SLC4A11: variants seen among roughly 807,000 people sequenced by gnomAD.
SLC4A11 encodes the protein solute carrier family 4 member 11.
Under a neutral mutation model 95.0 loss-of-function variants are expected in SLC4A11, and 74 were observed. That is an observed-to-expected ratio of 0.78 (90% confidence interval 0.65 to 0.95). The LOEUF (loss-of-function observed/expected upper bound fraction) is 0.95. Among genes scored for constraint, SLC4A11 ranks in the 40% least tolerant of loss-of-function variants. The pLI, the probability that SLC4A11 is intolerant of heterozygous loss-of-function variation, is 0.00. For synonymous variants in SLC4A11, 548 were observed against 519.0 expected, an observed-to-expected ratio of 1.06 and a Z score of -0.76; for missense variants, 1,081 against 1,192.4, an observed-to-expected ratio of 0.91 and a Z score of 1.38.
Position 3,238,438 on chromosome 20 carries a change from G to A in SLC4A11, c.43+657C>T. ...CTGCATCCTGAAGTGGGGGGCGGGGGCGCTGGGGCGCGTCCCAGGCCGTGG... is the reference window on the plus strand; with the variant it reads ...CTGCATCCTGAAGTGGGGGGCGGGGACGCTGGGGCGCGTCCCAGGCCGTGG... On this transcript the variant is annotated intron_variant, in intron 1 of 19. Coordinates refer to ENST00000642402, the MANE Select transcript of SLC4A11 (RefSeq NM_001174089.2). 4 of 1,034,094 alleles carry A rather than the reference G, an allele frequency of 3.9e-6. No homozygotes were observed. In the South Asian group the frequency reaches 1.3e-4, roughly 33 times the overall value. The allele number at this position is 1,034,094 out of a possible 1,614,324, so 64.1% of individuals were successfully genotyped here.
chr20:3,228,741 C>A (rs372261284), intron 17 of SLC4A11, 34 bp from the exon 18 acceptor site: 1 of 1,612,516 alleles, frequency 6.2e-7, no homozygotes, highest in Non-Finnish European at 8.5e-7. Flanking sequence ...GTCACCTCTG[C>A]GCCCCTGTCC....
Position 3,234,992 on chromosome 20 carries a change from C to G in SLC4A11, c.89-98G>C. 1 of 1,494,160 alleles carries G rather than the reference C, an allele frequency of 6.7e-7. No homozygotes were observed. The highest frequency in any genetic ancestry group is 1.1e-5 in the South Asian group (1 of 87,866). The allele number at this position is 1,494,160 out of a possible 1,614,324, so 92.6% of individuals were successfully genotyped here. A position where few individuals can be genotyped will look rare whatever the true frequency, so the allele number is the denominator to read the frequency against. On this transcript the variant is annotated intron_variant, in intron 2 of 19. Transcript: ENST00000642402. This position sits in a 1 kb window ranked among gnomAD's most constrained non-coding sequence, Gnocchi z 5.8. The stretch of plus-strand genomic sequence containing the variant: ...GGGAGCAGGGACCCCTGGACTGTCC[C>G]ACTCTCGGGCCGTGGTGGGAGAGGC...
At chr20:3,239,263 C>T (rs981037283), upstream of SLC4A11, 11 of 1,217,738 alleles carry the variant, frequency 9.0e-6, no homozygotes, top group African/African-American at 1.7e-4. Context: ...GCGCCTGGGT[C>T]CTAATGCCGC....
chr20:3,232,707 T>C (rs1415180222), intron 7 of SLC4A11, among the ~76,000 whole-genome samples: 1 of 152,202 alleles, frequency 6.6e-6, no homozygotes, highest in East Asian at 1.9e-4. Context: ...AGTGAGACTC[T>C]GTCTCAAAGA....
rs2067723756 is a variant in SLC4A11, at chr20:3,230,577, A to G, written c.1353T>C (p.Asn451=). 6.2e-7 allele frequency: 1 copy of G among 1,613,680 alleles called. No individual in the cohort carries two copies. Among genetic ancestry groups the G allele is most frequent in the African/African-American group, 1.3e-5 (1 of 74,902 alleles). ...AGGCATAAAGCGCAAGGAAGAAACT[A>G]TTCCACAGGCCCGTCCATGCGTAGA... is the stretch of plus-strand genomic sequence containing the variant. ...NSFYAWTGLW[N]SFFLALYAFF... Residue 451 remains asparagine (N), a synonymous_variant, in exon 12 of 20, where the codon AAT becomes AAC. Transcript: ENST00000642402.
rs1275247761 is a variant in SLC4A11, at chr20:3,230,936, T to C, written c.1165A>G (p.Ile389Val). ...CCGCCCACCGCCAGCCCCTCACCGATGGCCCCGTCTGTGTTCTCGTCATTG... is the reference window on the plus strand; with the variant it reads ...CCGCCCACCGCCAGCCCCTCACCGACGGCCCCGTCTGTGTTCTCGTCATTG... Reference protein sequence around the residue: ...SLNDENTDGAIDVQKTIAGQS... With the variant: ...SLNDENTDGAVDVQKTIAGQS... Residue 389 changes from isoleucine to valine, a missense_variant, in exon 10 of 20, where the codon ATC becomes GTC. Ile to Val is a conservative substitution (Grantham distance 29). Coordinates refer to ENST00000642402, the MANE Select transcript of SLC4A11 (RefSeq NM_001174089.2). 3.1e-6 allele frequency: 5 copies of C among 1,601,260 alleles called. No homozygotes were observed. The highest frequency in any genetic ancestry group is 4.3e-6 in the Non-Finnish European group (5 of 1,172,308).
intron 7 of SLC4A11, among the ~76,000 whole-genome samples, chr20:3,233,206 C>T (rs11087573): frequency 0.16 from 24,037 of 152,100 alleles, 2,040 homozygotes; most frequent in Non-Finnish European, 0.19. Context: ...GCTAGCAAAT[C>T]GCAAAGTCAA....
chr20:3,239,315 G>A, upstream of SLC4A11: 1 of 1,164,082 alleles, frequency 8.6e-7, no homozygotes, highest in East Asian at 4.0e-5. Flanking sequence ...GCTGCCGAGG[G>A]CTGGGACCCG....
intron 1 of SLC4A11, 157 bp from the exon 2 acceptor site, chr20:3,237,745 C>T: frequency 6.2e-7 from 1 of 1,613,522 alleles, no homozygotes; most frequent in Non-Finnish European, 8.5e-7. Flanking sequence ...GGGGACAGTG[C>T]TCGGGAGGGG....
chr20:3,234,990 C>A lies in SLC4A11; in HGVS notation c.89-96G>T, dbSNP rs867089201. Reference sequence around the variant, plus strand: ...CAGGGAGCAGGGACCCCTGGACTGTCCCACTCTCGGGCCGTGGTGGGAGAG... The same window carrying A: ...CAGGGAGCAGGGACCCCTGGACTGTACCACTCTCGGGCCGTGGTGGGAGAG... On this transcript the variant is annotated intron_variant, in intron 2 of 19. Coordinates refer to ENST00000642402, the MANE Select transcript of SLC4A11 (RefSeq NM_001174089.2). This position sits in a 1 kb window ranked among gnomAD's most constrained non-coding sequence, Gnocchi z 5.8. 5.3e-6 allele frequency: 8 copies of A among 1,509,426 alleles called. No individual in the cohort carries two copies. The East Asian group carries it at 1.6e-4, about 30-fold the overall frequency. The allele number at this position is 1,509,426 out of a possible 1,614,324, so 93.5% of individuals were successfully genotyped here. A position where few individuals can be genotyped will look rare whatever the true frequency, so the allele number is the denominator to read the frequency against.
rs757200358 is a variant in SLC4A11, at chr20:3,234,117, G to A, written c.489C>T (p.Leu163=). 1.2e-6 allele frequency: 2 copies of A among 1,613,966 alleles called. No homozygotes were observed. Among genetic ancestry groups the A allele is most frequent in the African/African-American group, 2.7e-5 (2 of 74,944 alleles). ...GCATGGGTGCCCCGGCATCGGTGAAGAGCATGGCCATGAGCAGGTCCAGGT... is the reference window on the plus strand; with the variant it reads ...GCATGGGTGCCCCGGCATCGGTGAAAAGCATGGCCATGAGCAGGTCCAGGT... ...NCNLDLLMAM[L]FTDAGAPMRG... is the part of the protein sequence containing the mutation. Residue 163 remains leucine (L), a synonymous_variant, in exon 5 of 20, where the codon CTC becomes CTT. Coordinates refer to ENST00000642402, the MANE Select transcript of SLC4A11 (RefSeq NM_001174089.2). The surrounding 1 kb of genome is among the most constrained non-coding windows in gnomAD (Gnocchi z 5.8).
In SLC4A11 at chr20:3,231,201, G is replaced by T. The variant is rs1395546091; in HGVS notation, c.990C>A (p.Ile330=). The change falls in exon 9 of 20, where the codon ATC becomes ATA. Residue 330 remains isoleucine (I), a synonymous_variant. Transcript: ENST00000642402. The surrounding 1 kb of genome is among the most constrained non-coding windows in gnomAD (Gnocchi z 5.2). ...CKDFVPFGKG[I]REDIARRFPL... ...GGAACCTGCGTGCGATGTCCTCCCG[G>T]ATGCCCTTCCCAAAAGGGACAAAGT... 6.2e-7 allele frequency: 1 copy of T among 1,614,086 alleles called. No homozygotes were observed. The highest frequency in any genetic ancestry group is 8.5e-7 in the Non-Finnish European group (1 of 1,180,010).
chr20:3,227,763 T>C lies in SLC4A11; in HGVS notation c.*24A>G, dbSNP rs1253827269. The C allele has an allele frequency of 6.2e-7, 1 of 1,611,906 alleles. No homozygotes were observed. Among genetic ancestry groups the C allele is most frequent in the East Asian group, 2.2e-5 (1 of 44,868 alleles). ...TGGGAGGACGTGGAGGGCTGGCGAATGGGGCGTGGGCAGGGTCTGCCAGTC... is the reference window on the plus strand; with the variant it reads ...TGGGAGGACGTGGAGGGCTGGCGAACGGGGCGTGGGCAGGGTCTGCCAGTC... On this transcript the variant is annotated 3_prime_UTR_variant, in exon 20 of 20. Coordinates refer to ENST00000642402, the MANE Select transcript of SLC4A11 (RefSeq NM_001174089.2).
rs117959552 is a variant in SLC4A11, at chr20:3,228,505, C to T, written c.2388+7G>A. ...CACGCCACTCCCTCGCAGGGCCAAGCGCTCACCTGCTCCTTGAGCAGCAGG... is the reference window on the plus strand; with the variant it reads ...CACGCCACTCCCTCGCAGGGCCAAGTGCTCACCTGCTCCTTGAGCAGCAGG... On this transcript the variant is annotated splice_region_variant and intron_variant, in intron 18 of 19. Transcript: ENST00000642402. The T allele has an allele frequency of 1.0e-4, 167 of 1,612,960 alleles. No homozygotes were observed. The highest frequency in any genetic ancestry group is 9.6e-4 in the East Asian group (43 of 44,874).
chr20:3,239,526 G>T (rs978826878), upstream of SLC4A11: 13 of 991,762 alleles, frequency 1.3e-5, no homozygotes, highest in South Asian at 3.3e-4. Context: ...ACTGCGCCAC[G>T]AGCCCACCGA....
At chr20:3,229,856 G>C in intron 13 of SLC4A11, 80 bp from the exon 14 acceptor site, 1 of 1,594,298 alleles carries the variant, frequency 6.3e-7, no homozygotes, top group Non-Finnish European at 8.6e-7. Context: ...ATCTCAGGGA[G>C]AAAGGGCTCC....
chr20:3,238,446 GC>G (rs2068059315), intron 1 of SLC4A11: 1 of 1,029,532 alleles, frequency 9.7e-7, no homozygotes, highest in Non-Finnish European at 1.2e-6. Context: ...GGGCGCTGGG[GC>G]GCGTCCCAGG....
At position 3,229,230 on chromosome 20, in the gene SLC4A11, G is replaced by T. The variant is rs952693515; in HGVS notation, c.1883C>A (p.Pro628His). The T allele has an allele frequency of 5.6e-6, 9 of 1,612,842 alleles. No individual in the cohort carries two copies. The highest frequency in any genetic ancestry group is 7.6e-6 in the Non-Finnish European group (9 of 1,180,016). ...CGACTGGATCTGCGCCATCGCAAAGGGGCTCTCGCTGGGGTTGTAGCGGAA... is the reference window on the plus strand; with the variant it reads ...CGACTGGATCTGCGCCATCGCAAAGTGGCTCTCGCTGGGGTTGTAGCGGAA... The part of the protein sequence containing the change: ...SKFRYNPSES[P>H]FAMAQIQSLS... The change falls in exon 16 of 20, where the codon CCC becomes CAC. Residue 628 changes from proline to histidine, a missense_variant. Pro to His is a moderately conservative substitution (Grantham distance 77). Transcript: ENST00000642402.
intron 12 of SLC4A11, 39 bp from the exon 13 acceptor site, chr20:3,230,299 TCAGGGGGCAGGTGGGGGAGGC>T (rs1412289658): frequency 1.9e-6 from 3 of 1,611,526 alleles, no homozygotes; most frequent in Non-Finnish European, 2.5e-6. Context: ...GTGGGTGTGG[TCAGGGGGCAGGTGGGGGAGGC>T]CTCCCTGAGC....
Sources: allele counts gnomAD v4.1 joint callset (sites outside exome capture counted in the v4.1 genomes callset), GRCh38; gene constraint gnomAD v4.1.1; non-coding constraint Gnocchi (gnomAD v3.1); transcripts MANE v1.5; gene names NCBI Gene and HGNC (gene_info 2026-07-23, HGNC 2026-07-21).